The following BEAN1 variants were observed in gnomAD, a reference collection of about 807,000 sequenced individuals.
The protein encoded by BEAN1 is brain expressed associated with NEDD4 1.
In BEAN1, 17 loss-of-function variants were observed where a neutral mutation model predicts 17.7. The observed-to-expected ratio is 0.96, with a 90% CI of 0.66 to 1.44. BEAN1 has a LOEUF of 1.44. Ranked by LOEUF, BEAN1 falls within the 40% of genes most tolerant of loss-of-function variation. The probability of loss-of-function intolerance (pLI) is 0.00; values close to 1 mark genes in which losing one functional copy is unlikely to be tolerated. For synonymous variants in BEAN1, 142 were observed against 151.8 expected (o/e 0.94, Z 0.47); for missense variants, 359 against 374.1 (o/e 0.96, Z 0.33).
At chr16:66,444,516 G>T (rs1430331197) in intron 2 of BEAN1, among the ~76,000 whole-genome samples, 1 of 152,176 alleles carries the variant, frequency 6.6e-6, no homozygotes, top group Non-Finnish European at 1.5e-5. Flanking sequence ...AGAGTGGGTG[G>T]CAAAGACCTA....
At chr16:66,486,402 T>G (rs1964089536), downstream of BEAN1, among the ~76,000 whole-genome samples, 1 of 152,128 alleles carries the variant, frequency 6.6e-6, no homozygotes, top group Non-Finnish European at 1.5e-5. Flanking sequence ...TACGGGCACA[T>G]GTCACTGCGC....
In BEAN1 at chr16:66,434,285, T is replaced by C. The variant is rs536833147; in HGVS notation, c.-82-3310T>C. Among the ~76,000 whole-genome samples the C allele has an allele frequency of 2.1e-5, 3 of 142,494 alleles. No individual in the cohort carries two copies. Among genetic ancestry groups the C allele is most frequent in the Non-Finnish European group, 4.6e-5 (3 of 65,748 alleles). 93.5% of individuals were successfully genotyped at this position (142,494 alleles called of 152,430 possible). ...CCAGCCCATCTGTGCCCCTCATGGC[T>C]GTCTCCTCTCAGCAACTTCAGTCAC... On this transcript the variant is annotated intron_variant, in intron 1 of 4. Transcript: ENST00000536005. This position sits in a 1 kb window ranked among gnomAD's most constrained non-coding sequence, Gnocchi z 4.3.
chr16:66,438,386 A>T (rs1962116404), intron 2 of BEAN1, among the ~76,000 whole-genome samples: 1 of 152,094 alleles, frequency 6.6e-6, no homozygotes, highest in African/African-American at 2.4e-5. Context: ...TCTGTCTCAG[A>T]AAACAAATAA....
intron 3 of BEAN1, 110 bp from the exon 4 acceptor site, chr16:66,477,450 T>G: frequency 8.0e-6 from 9 of 1,127,082 alleles, no homozygotes; most frequent in Non-Finnish European, 8.3e-6. Flanking sequence ...AGGAGAGGAG[T>G]GGTCAGGTGG....
At chr16:66,465,740 A>G (rs539471142) in intron 2 of BEAN1, among the ~76,000 whole-genome samples, 58 of 152,338 alleles carry the variant, frequency 3.8e-4, no homozygotes, top group African/African-American at 1.4e-3. Flanking sequence ...GAAGCTGAGA[A>G]CTTTCTCGTG....
At chr16:66,450,275 G>A (rs375960493) in intron 2 of BEAN1, among the ~76,000 whole-genome samples, 2 of 152,292 alleles carry the variant, frequency 1.3e-5, no homozygotes, top group South Asian at 2.1e-4. Flanking sequence ...GAACATAGGT[G>A]CTCACAGCAC....
intron 1 of BEAN1, among the ~76,000 whole-genome samples, chr16:66,436,202 T>C (rs1303982623): frequency 6.6e-6 from 1 of 152,134 alleles, no homozygotes; most frequent in Non-Finnish European, 1.5e-5. Flanking sequence ...CTCATGTCCC[T>C]TGGGAGACAT....
intron 1 of BEAN1, among the ~76,000 whole-genome samples, chr16:66,436,444 T>TA (rs1962025006): frequency 9.4e-6 from 1 of 106,046 alleles, no homozygotes; most frequent in Non-Finnish European, 2.2e-5. Flanking sequence ...ATTTTTTGTA[T>TA]TTTTTTTTTT....
chr16:66,439,643 T>C lies in BEAN1; in HGVS notation c.25+1942T>C, dbSNP rs139441537. Among the ~76,000 whole-genome samples, 587 of 152,306 alleles carry C rather than the reference T, an allele frequency of 3.9e-3. 3 individuals carry two copies. Among genetic ancestry groups the C allele is most frequent in the Non-Finnish European group, 5.3e-3 (360 of 68,026 alleles). ...ACTGACATTCGAGGCCATTTAGAAG[T>C]GGCTCCTGCACATCTCTGAAATTCC... On this transcript the variant is annotated intron_variant, in intron 2 of 4. Transcript: ENST00000536005.
chr16:66,459,500 T>C (rs1177757263), intron 2 of BEAN1, among the ~76,000 whole-genome samples: 1 of 152,094 alleles, frequency 6.6e-6, no homozygotes, highest in Non-Finnish European at 1.5e-5. Context: ...TTTGTATTTT[T>C]AGTAGAGACA....
chr16:66,475,670 G>A (rs1398453530), intron 3 of BEAN1: 1 of 152,220 alleles, frequency 6.6e-6, no homozygotes, highest in Non-Finnish European at 1.5e-5. Flanking sequence ...CTGTCTCTCA[G>A]CTGGTGCCCT....
chr16:66,479,598 C>T (rs981542012), intron 4 of BEAN1, among the ~76,000 whole-genome samples: 13 of 152,122 alleles, frequency 8.5e-5, no homozygotes, highest in East Asian at 3.9e-4. Flanking sequence ...ACACACCTTC[C>T]GAGACCTCCC....
At chr16:66,453,960 C>G (rs111473858) in intron 2 of BEAN1, among the ~76,000 whole-genome samples, 22,289 of 152,172 alleles carry the variant, frequency 0.15, 1,831 homozygotes, top group South Asian at 0.26. Context: ...TCTCAAACTC[C>G]TGACCTCAAA....
chr16:66,469,230 C>G (rs894072774), intron 2 of BEAN1, among the ~76,000 whole-genome samples: 6 of 152,238 alleles, frequency 3.9e-5, no homozygotes, highest in Non-Finnish European at 7.3e-5. Context: ...GTTGACCTTT[C>G]AACTTGTCTA....
intron 2 of BEAN1, among the ~76,000 whole-genome samples, chr16:66,461,473 T>C (rs910788988): frequency 6.6e-6 from 1 of 152,000 alleles, no homozygotes; most frequent in African/African-American, 2.4e-5. Context: ...TCTCATCTGC[T>C]GCTGACGCAG....
In BEAN1 at chr16:66,482,752, A is replaced by C. The variant is rs1964024349; in HGVS notation, c.*1827A>C. On this transcript the variant is annotated 3_prime_UTR_variant, in exon 5 of 5. Coordinates refer to ENST00000536005, the MANE Select transcript of BEAN1 (RefSeq NM_001178020.3). ...GCTTTTCTTGTTCCTGGACTAGGCAATGAATAAGCAACAATGTATCTTTTC... is the reference window on the plus strand; with the variant it reads ...GCTTTTCTTGTTCCTGGACTAGGCACTGAATAAGCAACAATGTATCTTTTC... The C allele has an allele frequency of 4.9e-6, 2 of 410,516 alleles. No homozygotes were observed. Among genetic ancestry groups the C allele is most frequent in the Admixed American group, 2.9e-5 (1 of 34,264 alleles). The allele number at this position is 410,516 out of a possible 1,614,324, so 25.4% of individuals were successfully genotyped here.
intron 4 of BEAN1, among the ~76,000 whole-genome samples, chr16:66,491,979 T>G (rs1964181224): frequency 6.6e-6 from 1 of 152,108 alleles, no homozygotes. Flanking sequence ...GTGCTCATAA[T>G]AAACAACGGG....
chr16:66,475,319 C>T (rs1963693337), intron 3 of BEAN1, among the ~76,000 whole-genome samples: 4 of 152,160 alleles, frequency 2.6e-5, no homozygotes, highest in East Asian at 1.9e-4. Flanking sequence ...TCCCAAGATG[C>T]TCCCCTCTGG....
rs577648204 is a variant in BEAN1, at chr16:66,443,629, G to A, written c.25+5928G>A. On this transcript the variant is annotated intron_variant, in intron 2 of 4. Coordinates refer to ENST00000536005, the MANE Select transcript of BEAN1 (RefSeq NM_001178020.3). ...GTCTAGCACAAAGTCTGACCCTAGTGAGTACTCGGCATTTGATAGCTCATC... is the reference window on the plus strand; with the variant it reads ...GTCTAGCACAAAGTCTGACCCTAGTAAGTACTCGGCATTTGATAGCTCATC... Among the ~76,000 whole-genome samples, 6 of 152,258 alleles carry A rather than the reference G, an allele frequency of 3.9e-5. 1 individual carries two copies. The highest frequency in any genetic ancestry group is 3.9e-4 in the Admixed American group (6 of 15,288).
Sources: gnomAD v4.1 joint callset for allele counts (sites outside exome capture counted in the v4.1 genomes callset) on GRCh38, gnomAD v4.1.1 for gene constraint, Gnocchi (gnomAD v3.1) non-coding constraint, MANE v1.5 for transcripts, NCBI Gene and HGNC (gene_info 2026-07-23, HGNC 2026-07-21) for gene names.